Variants in UBE2E2 observed in about 807,000 individuals in gnomAD.
UBE2E2 encodes the protein ubiquitin-conjugating enzyme E2 E2.
A neutral mutation model predicts 24.7 loss-of-function variants in UBE2E2; 6 were observed. The observed-to-expected ratio is 0.24, with a 90% CI of 0.13 to 0.48. The LOEUF (loss-of-function observed/expected upper bound fraction) is 0.48, where lower values mean the gene tolerates loss of function less well. Ranked by LOEUF, UBE2E2 falls within the 20% of genes least tolerant of loss-of-function variation. The pLI is 0.99. For synonymous variants in UBE2E2, 104 were observed against 83.6 expected, an observed-to-expected ratio of 1.24 and a Z score of -1.33; for missense variants, 169 against 245.0, an observed-to-expected ratio of 0.69 and a Z score of 2.07.
At chr3:23,250,859 G>A (rs1273788914) in intron 3 of UBE2E2, among the ~76,000 whole-genome samples, 1 of 152,076 alleles carries the variant, frequency 6.6e-6, no homozygotes, top group Admixed American at 6.6e-5. Flanking sequence ...CTCTGTGGCA[G>A]GAGTATTTAT....
intron 3 of UBE2E2, among the ~76,000 whole-genome samples, chr3:23,486,772 T>A (rs899368247): frequency 6.6e-6 from 1 of 152,178 alleles, no homozygotes; most frequent in Non-Finnish European, 1.5e-5. Context: ...GGGTTTTTAT[T>A]TGCTCAGAAT....
chr3:23,302,360 T>C (rs1447182452), intron 3 of UBE2E2, among the ~76,000 whole-genome samples: 1 of 152,218 alleles, frequency 6.6e-6, no homozygotes, highest in African/African-American at 2.4e-5. Flanking sequence ...TAGGAAAGTA[T>C]CTTATTACCA....
intron 5 of UBE2E2, among the ~76,000 whole-genome samples, chr3:23,550,266 A>G (rs1369717529): frequency 2.0e-5 from 3 of 152,304 alleles, no homozygotes; most frequent in South Asian, 4.1e-4. Context: ...AAAATGAATT[A>G]TGAGTCTGCC....
At position 23,440,213 on chromosome 3, in the gene UBE2E2, G is replaced by A. The variant is rs954231668; in HGVS notation, c.228-59395G>A. On this transcript the variant is annotated intron_variant, in intron 3 of 5. Coordinates refer to ENST00000396703, the MANE Select transcript of UBE2E2 (RefSeq NM_152653.4). ...CGCTTGAACTCAGGGGTCGGAGGTTGCAGTGAGCCAAGATCACGCCACTGC... is the reference window on the plus strand; with the variant it reads ...CGCTTGAACTCAGGGGTCGGAGGTTACAGTGAGCCAAGATCACGCCACTGC... 2.6e-5 allele frequency among the ~76,000 whole-genome samples: 4 copies of A among 152,252 alleles called. No homozygotes were observed. The South Asian group carries it at 8.3e-4, about 32-fold the overall frequency.
chr3:23,226,505 G>A (rs769027504), intron 3 of UBE2E2, among the ~76,000 whole-genome samples: 2 of 152,050 alleles, frequency 1.3e-5, no homozygotes, highest in African/African-American at 4.8e-5. Flanking sequence ...CTCCCAAAGT[G>A]TTGGAATTAC....
At chr3:23,567,363 T>C (rs1263019586) in intron 5 of UBE2E2, among the ~76,000 whole-genome samples, 1 of 152,026 alleles carries the variant, frequency 6.6e-6, no homozygotes, top group African/African-American at 2.4e-5. Flanking sequence ...GCCTAAGGGG[T>C]TTAAACAACA....
chr3:23,332,972 TA>T lies in UBE2E2; in HGVS notation c.227+115664del, dbSNP rs1198096662. On this transcript the variant is annotated intron_variant, in intron 3 of 5. Coordinates refer to ENST00000396703, the MANE Select transcript of UBE2E2 (RefSeq NM_152653.4). ...GCTATACGTTTCGTTTTACAGGTGATAAAAGCCTCTATTTTGAAGCAGAGAT... is the reference window on the plus strand; with the variant it reads ...GCTATACGTTTCGTTTTACAGGTGATAAAGCCTCTATTTTGAAGCAGAGAT... 2.6e-5 allele frequency among the ~76,000 whole-genome samples: 4 copies of T among 152,348 alleles called. No homozygotes were observed. The East Asian group carries it at 7.7e-4, about 29-fold the overall frequency.
chr3:23,542,166 G>A lies in UBE2E2; in HGVS notation c.508+9465G>A, dbSNP rs184535311. ...TGCCAGCCACCCGTGGTCATCGTAG[G>A]AGGGTACATTTATCTGAGGGATGTG... On this transcript the variant is annotated intron_variant, in intron 5 of 5. Coordinates refer to ENST00000396703, the MANE Select transcript of UBE2E2 (RefSeq NM_152653.4). Among the ~76,000 whole-genome samples the A allele has an allele frequency of 2.7e-3, 408 of 152,286 alleles. 3 individuals carry two copies. The highest frequency in any genetic ancestry group is 0.01 in the Middle Eastern group (3 of 294).
chr3:23,220,580 G>A (rs1200524247), intron 3 of UBE2E2, among the ~76,000 whole-genome samples: 1 of 152,160 alleles, frequency 6.6e-6, no homozygotes, highest in Non-Finnish European at 1.5e-5. Flanking sequence ...TGTCATGTTG[G>A]CTAACATAAC....
At chr3:23,360,836 G>T (rs575374318) in intron 3 of UBE2E2, among the ~76,000 whole-genome samples, 1 of 151,388 alleles carries the variant, frequency 6.6e-6, no homozygotes, top group East Asian at 1.9e-4. Context: ...CTAAATAAAT[G>T]GGACCTAATT....
intron 4 of UBE2E2, among the ~76,000 whole-genome samples, chr3:23,504,643 C>T (rs1694389018): frequency 6.6e-6 from 1 of 152,082 alleles, no homozygotes; most frequent in Non-Finnish European, 1.5e-5. Context: ...AAAGTCGTAT[C>T]TTATGGTTGC....
At chr3:23,402,992 T>A (rs1697268800) in intron 3 of UBE2E2, among the ~76,000 whole-genome samples, 1 of 152,180 alleles carries the variant, frequency 6.6e-6, no homozygotes, top group African/African-American at 2.4e-5. Flanking sequence ...GGGGAGTACA[T>A]GGCAGCCTCA....
intron 3 of UBE2E2, among the ~76,000 whole-genome samples, chr3:23,401,670 A>T (rs994997470): frequency 6.6e-5 from 10 of 151,922 alleles, no homozygotes; most frequent in Admixed American, 3.9e-4. Context: ...GAACTTCATT[A>T]TATATACATA....
chr3:23,388,407 G>A (rs1315168311), intron 3 of UBE2E2, among the ~76,000 whole-genome samples: 6 of 152,056 alleles, frequency 3.9e-5, no homozygotes, highest in Non-Finnish European at 5.9e-5. Flanking sequence ...TTCATAATGA[G>A]ACAGCTCTCT....
chr3:23,496,848 C>G (rs1575667430), intron 3 of UBE2E2, among the ~76,000 whole-genome samples: 1 of 152,088 alleles, frequency 6.6e-6, no homozygotes, highest in Non-Finnish European at 1.5e-5. Context: ...TTTAGAGGTA[C>G]CAGCCCCCTG....
intron 3 of UBE2E2, among the ~76,000 whole-genome samples, chr3:23,495,937 C>A (rs1341086069): frequency 2.0e-5 from 3 of 152,084 alleles, no homozygotes; most frequent in Non-Finnish European, 2.9e-5. Context: ...CAAGAGAAAT[C>A]AAACACTAGA....
chr3:23,235,452 G>C (rs564599043), intron 3 of UBE2E2, among the ~76,000 whole-genome samples: 3 of 152,000 alleles, frequency 2.0e-5, no homozygotes, highest in Non-Finnish European at 2.9e-5. Flanking sequence ...GAGGGGGAGT[G>C]GGGAGTGGGC....
chr3:23,370,472 T>C (rs989938782), intron 3 of UBE2E2, among the ~76,000 whole-genome samples: 1 of 152,202 alleles, frequency 6.6e-6, no homozygotes, highest in Non-Finnish European at 1.5e-5. Context: ...AGTGGGAATT[T>C]AGGAAGAGGG....
chr3:23,424,485 G>A (rs1300578597), intron 3 of UBE2E2, among the ~76,000 whole-genome samples: 1 of 148,950 alleles, frequency 6.7e-6, no homozygotes, highest in Non-Finnish European at 1.5e-5. Context: ...TGAATTTGAT[G>A]GCTTTTTCTT....
Sources: gnomAD v4.1 joint callset for allele counts (sites outside exome capture counted in the v4.1 genomes callset) on GRCh38, gnomAD v4.1.1 for gene constraint, MANE v1.5 for transcripts, NCBI Gene and HGNC (gene_info 2026-07-23, HGNC 2026-07-21) for gene names.